Variants in CDH12 observed in about 807,000 individuals in gnomAD.
CDH12 encodes the protein cadherin 12.
In CDH12, 41 loss-of-function variants were observed where a neutral mutation model predicts 74.1. The ratio of observed to expected loss-of-function variants is 0.55; its 90% CI spans 0.43 to 0.72. The LOEUF is 0.72. Ranked by LOEUF, CDH12 falls within the 30% of genes least tolerant of loss-of-function variation. The pLI is 0.00. For synonymous variants in CDH12, 399 were observed against 355.0 expected (o/e 1.12, Z -1.39); for missense variants, 945 against 977.2 (o/e 0.97, Z 0.44).
intron 5 of CDH12, among the ~76,000 whole-genome samples, chr5:22,002,825 C>T (rs1736680869): frequency 6.6e-6 from 1 of 151,998 alleles, no homozygotes; most frequent in Admixed American, 6.6e-5. Flanking sequence ...ATATAACGAA[C>T]ATTTTCATAA....
chr5:21,878,207 A>T (rs949408160), intron 6 of CDH12, among the ~76,000 whole-genome samples: 5 of 152,208 alleles, frequency 3.3e-5, no homozygotes, highest in Non-Finnish European at 7.3e-5. Flanking sequence ...GCCATGGTTA[A>T]ATGCTACAGT....
intron 1 of CDH12, among the ~76,000 whole-genome samples, chr5:22,653,534 G>GCT (rs1739851893): frequency 2.0e-5 from 3 of 151,580 alleles, no homozygotes. Context: ...AGTTCTGTTG[G>GCT]CTCTACCTTT....
intron 6 of CDH12, among the ~76,000 whole-genome samples, chr5:21,889,391 T>C (rs886978957): frequency 6.6e-6 from 1 of 152,134 alleles, no homozygotes; most frequent in African/African-American, 2.4e-5. Context: ...GGCCCCCTAG[T>C]CTGTGAACAC....
At chr5:21,813,835 C>T (rs1349094275) in intron 9 of CDH12, among the ~76,000 whole-genome samples, 2 of 152,160 alleles carry the variant, frequency 1.3e-5, no homozygotes, top group Non-Finnish European at 2.9e-5. Flanking sequence ...CCACCCTCCA[C>T]ATGCCTTTTA....
At chr5:21,915,776 G>A (rs1450053598) in intron 6 of CDH12, among the ~76,000 whole-genome samples, 1 of 150,900 alleles carries the variant, frequency 6.6e-6, no homozygotes, top group African/African-American at 2.4e-5. Flanking sequence ...GACAAGTTAC[G>A]CTCCATCCGC....
At position 22,477,998 on chromosome 5, in the gene CDH12, G is replaced by T. The variant is rs1030184134; in HGVS notation, c.-428+27272C>A. Among the ~76,000 whole-genome samples the T allele has an allele frequency of 2.0e-5, 3 of 152,096 alleles. No homozygotes were observed. The East Asian group carries it at 5.8e-4, about 29-fold the overall frequency. ...ATCAGGTTACTTTAAACATAAAAAG[G>T]CACTTTTAATCCAAGTAGGGGATTA... On this transcript the variant is annotated intron_variant, in intron 2 of 14. Coordinates refer to ENST00000382254, the MANE Select transcript of CDH12 (RefSeq NM_004061.5).
At position 21,761,785 on chromosome 5, in the gene CDH12, G is replaced by A. The variant is rs139338267; in HGVS notation, c.1516-1110C>T. ...TAGATAGATAGATAGATAGATAGAT[G>A]ATAGATATCACTGGGACCTTGGATA... On this transcript the variant is annotated intron_variant, in intron 12 of 14. Transcript: ENST00000382254. Among the ~76,000 whole-genome samples the A allele has an allele frequency of 2.2e-3, 224 of 100,920 alleles. 1 individual carries two copies. Among genetic ancestry groups the A allele is most frequent in the African/African-American group, 7.2e-3 (218 of 30,222 alleles). 66.2% of individuals were successfully genotyped at this position (100,920 alleles called of 152,430 possible).
At chr5:22,244,711 A>G (rs1345668191) in intron 3 of CDH12, among the ~76,000 whole-genome samples, 3 of 147,044 alleles carry the variant, frequency 2.0e-5, no homozygotes, top group Non-Finnish European at 4.5e-5. Context: ...AAGAAAGAGA[A>G]AGAGAGAGAG....
intron 4 of CDH12, among the ~76,000 whole-genome samples, chr5:22,122,136 C>A (rs745759262): frequency 5.3e-5 from 8 of 152,170 alleles, no homozygotes; most frequent in Admixed American, 1.3e-4. Context: ...GGCGCAGTGG[C>A]TTATGCCTGT....
At chr5:22,799,559 A>T (rs1403485340) in intron 1 of CDH12, among the ~76,000 whole-genome samples, 7 of 152,192 alleles carry the variant, frequency 4.6e-5, no homozygotes, top group Non-Finnish European at 1.0e-4. Flanking sequence ...GCCAGTGATG[A>T]TATTTCAGTG....
chr5:22,360,991 A>G (rs1037952750), intron 3 of CDH12, among the ~76,000 whole-genome samples: 2 of 152,266 alleles, frequency 1.3e-5, no homozygotes, highest in African/African-American at 4.8e-5. Flanking sequence ...ATGGGCAAAA[A>G]CTGGAAGCAT....
At chr5:22,283,696 T>C (rs1245728580) in intron 3 of CDH12, among the ~76,000 whole-genome samples, 1 of 152,076 alleles carries the variant, frequency 6.6e-6, no homozygotes, top group Admixed American at 6.6e-5. Context: ...ATCTATTGTA[T>C]AGTATGGTGA....
At chr5:22,308,588 T>C (rs1738229018) in intron 3 of CDH12, among the ~76,000 whole-genome samples, 1 of 152,196 alleles carries the variant, frequency 6.6e-6, no homozygotes, top group South Asian at 2.1e-4. Flanking sequence ...AACCATTTAA[T>C]TGTATATGTA....
chr5:22,444,350 GAC>G (rs1744737653), intron 2 of CDH12, among the ~76,000 whole-genome samples: 1 of 151,956 alleles, frequency 6.6e-6, no homozygotes, highest in Non-Finnish European at 1.5e-5. Flanking sequence ...GTATTTCAAA[GAC>G]ACTTCTCCCT....
At chr5:22,443,528 T>C (rs137860330) in intron 2 of CDH12, among the ~76,000 whole-genome samples, 227 of 152,286 alleles carry the variant, frequency 1.5e-3, no homozygotes, top group African/African-American at 5.2e-3. Context: ...GGAGATTTAT[T>C]AATCCAGTCA....
intron 6 of CDH12, among the ~76,000 whole-genome samples, chr5:21,911,873 A>G (rs1055515915): frequency 2.0e-5 from 3 of 152,136 alleles, no homozygotes; most frequent in Non-Finnish European, 4.4e-5. Context: ...CCCATTAAAA[A>G]GTTTATAACA....
chr5:22,335,373 C>G (rs189536650), intron 3 of CDH12, among the ~76,000 whole-genome samples: 27 of 152,148 alleles, frequency 1.8e-4, no homozygotes, highest in African/African-American at 6.5e-4. Flanking sequence ...ATCATGAGGT[C>G]AGGAGATCGA....
intron 5 of CDH12, among the ~76,000 whole-genome samples, chr5:22,013,257 G>C (rs907890982): frequency 2.6e-5 from 4 of 152,054 alleles, no homozygotes; most frequent in African/African-American, 9.7e-5. Flanking sequence ...GAGAAGTGCC[G>C]AGCAAAGCAG....
chr5:22,339,662 A>T (rs2150453280), intron 3 of CDH12, among the ~76,000 whole-genome samples: 1 of 152,312 alleles, frequency 6.6e-6, no homozygotes, highest in East Asian at 1.9e-4. Context: ...ATCTAGCTTT[A>T]ATTTATTTTA....
Sources: gnomAD v4.1 joint callset for allele counts (sites outside exome capture counted in the v4.1 genomes callset) on GRCh38, gnomAD v4.1.1 for gene constraint, MANE v1.5 for transcripts, NCBI Gene and HGNC (gene_info 2026-07-23, HGNC 2026-07-21) for gene names.